Variants in CCT2 observed in about 807,000 individuals in gnomAD.
The protein encoded by CCT2 is chaperonin containing TCP1 subunit 2, also known as T-complex protein 1 subunit beta.
In CCT2, 18 loss-of-function variants were observed where a neutral mutation model predicts 61.8. The observed-to-expected ratio is 0.29, with a 90% CI of 0.20 to 0.43. The LOEUF is 0.43. Ranked by LOEUF, CCT2 falls within the 20% of genes least tolerant of loss-of-function variation. CCT2 has a pLI of 1.00. For synonymous variants in CCT2, 248 were observed against 215.9 expected (o/e 1.15, Z -1.30); for missense variants, 556 against 656.9 (o/e 0.85, Z 1.68).
intron 5 of CCT2, 50 bp downstream of exon 5, chr12:69,588,056 G>A: frequency 6.4e-7 from 1 of 1,552,794 alleles, no homozygotes; most frequent in South Asian, 1.1e-5. Context: ...TTGAGTATCA[G>A]AGGTAATCTA....
In CCT2 at chr12:69,601,426, A is replaced by G. The variant is rs1882145482; in HGVS notation, c.*101A>G. ...CTGTGGAATCTGTTTATCGGTGCCCATTATATCCTTAAGTTTGGATATTTA... is the reference window on the plus strand; with the variant it reads ...CTGTGGAATCTGTTTATCGGTGCCCGTTATATCCTTAAGTTTGGATATTTA... On this transcript the variant is annotated 3_prime_UTR_variant, in exon 16 of 16. Coordinates refer to ENST00000299300, the MANE Select transcript of CCT2 (RefSeq NM_006431.3). The G allele has an allele frequency of 1.9e-6, 3 of 1,606,074 alleles. No individual in the cohort carries two copies. Among genetic ancestry groups the G allele is most frequent in the Non-Finnish European group, 2.5e-6 (3 of 1,177,350 alleles).
chr12:69,589,821 C>T (rs1184474343), intron 7 of CCT2, 134 bp downstream of exon 7: 9 of 678,776 alleles, frequency 1.3e-5, no homozygotes, highest in South Asian at 1.1e-4. Context: ...ATATGTGCAA[C>T]CATTTTTGTC....
chr12:69,588,847 C>T (rs575857491), intron 6 of CCT2, among the ~76,000 whole-genome samples: 50 of 152,308 alleles, frequency 3.3e-4, no homozygotes, highest in African/African-American at 1.2e-3. Flanking sequence ...CAAAAAGGTC[C>T]GGGACCACTG....
chr12:69,586,248 G>A (rs485288), intron 1 of CCT2, 22 bp from the exon 2 acceptor site: 1,126,175 of 1,573,072 alleles, frequency 0.72, 406,430 homozygotes, highest in East Asian at 0.93. Context: ...TAAACGGAAT[G>A]CCTCTTGGTT....
chr12:69,595,645 C>T (rs1040515001), intron 10 of CCT2, among the ~76,000 whole-genome samples: 9 of 145,742 alleles, frequency 6.2e-5, no homozygotes, highest in East Asian at 2.0e-4. Context: ...CTGAGATTGG[C>T]GCCACTGCAC....
At position 69,592,052 on chromosome 12, in the gene CCT2, A is replaced by G. The variant is rs776179368; in HGVS notation, c.650-7A>G. On this transcript the variant is annotated splice_polypyrimidine_tract_variant and splice_region_variant and intron_variant, in intron 7 of 15. Transcript: ENST00000299300. ...TAAATATGATACTGTTCTTATATTT[A>G]TTGTAGGCTTCCTGTTGGATAAAAA... is the stretch of plus-strand genomic sequence containing the variant. 1 of 1,502,236 alleles carries G rather than the reference A, an allele frequency of 6.7e-7. No homozygotes were observed. Among genetic ancestry groups the G allele is most frequent in the Non-Finnish European group, 9.3e-7 (1 of 1,080,162 alleles). 93.1% of individuals were successfully genotyped at this position (1,502,236 alleles called of 1,614,324 possible).
At chr12:69,592,887 C>T (rs571890152) in intron 8 of CCT2, 89 bp from the exon 9 acceptor site, 110 of 1,250,118 alleles carry the variant, frequency 8.8e-5, no homozygotes, top group African/African-American at 3.2e-4. Flanking sequence ...GAGATTGCCC[C>T]ACTGCACTCC....
intron 1 of CCT2, 81 bp downstream of exon 1, chr12:69,585,605 G>C: frequency 6.5e-7 from 1 of 1,549,596 alleles, no homozygotes; most frequent in Non-Finnish European, 8.7e-7. Flanking sequence ...TGTCCTGCTA[G>C]GGTCGTAGGC....
intron 11 of CCT2, 87 bp from the exon 12 acceptor site, chr12:69,597,551 A>T: frequency 7.2e-7 from 1 of 1,379,810 alleles, no homozygotes; most frequent in Non-Finnish European, 1.0e-6. Context: ...GTCAGCTTTC[A>T]GAACCCAGTA....
In CCT2 at chr12:69,598,366, C is replaced by T. The variant is rs1882053024; in HGVS notation, c.1380C>T (p.Asp460=). ...IADNAGYDSA[D]LVAQLRAAHS... Reference sequence around the variant, plus strand: ...ACAATGCAGGCTATGACAGTGCAGACCTGGTGGCACAGCTCAGGGCTGCTC... The same window carrying T: ...ACAATGCAGGCTATGACAGTGCAGATCTGGTGGCACAGCTCAGGGCTGCTC... Residue 460 remains aspartate (D), a synonymous_variant, in exon 14 of 16, where the codon GAC becomes GAT. Coordinates refer to ENST00000299300, the MANE Select transcript of CCT2 (RefSeq NM_006431.3). 5 of 1,606,068 alleles carry T rather than the reference C, an allele frequency of 3.1e-6. No homozygotes were observed. Among genetic ancestry groups the T allele is most frequent in the East Asian group, 2.2e-5 (1 of 44,712 alleles).
At chr12:69,587,659 T>G (rs746810317) in intron 4 of CCT2, 43 bp downstream of exon 4, 3 of 1,242,222 alleles carry the variant, frequency 2.4e-6, no homozygotes, top group Non-Finnish European at 3.5e-6. Flanking sequence ...TAATACTGTT[T>G]GTTAACATTT....
intron 7 of CCT2, among the ~76,000 whole-genome samples, chr12:69,589,983 T>C (rs1160542428): frequency 6.6e-6 from 1 of 152,228 alleles, no homozygotes; most frequent in Non-Finnish European, 1.5e-5. Context: ...AATGGTACTT[T>C]TACCAGGATT....
At chr12:69,599,815 G>A (rs780738501) in intron 14 of CCT2, 48 bp from the exon 15 acceptor site, 1 of 1,486,784 alleles carries the variant, frequency 6.7e-7, no homozygotes, top group Non-Finnish European at 9.2e-7. Context: ...GAGATGTTTT[G>A]ATACTTTAGT....
Position 69,597,183 on chromosome 12 carries a change from A to G in CCT2, c.1010A>G (p.His337Arg), listed in dbSNP as rs1252856194. Residue 337 changes from histidine (H) to arginine (R), a missense_variant, in exon 11 of 16, where the codon CAC (histidine) becomes CGC (arginine). This residue lies in a region of CCT2 where 225 missense variants were observed against 249.8 expected (regional missense o/e 0.90). Coordinates refer to ENST00000299300, the MANE Select transcript of CCT2 (RefSeq NM_006431.3). ...TGGEIASTFDHPELVKLGSCK... is the reference protein window; with the variant it reads ...TGGEIASTFDRPELVKLGSCK... ...GGTGAAATTGCCTCTACCTTTGATCACCCAGAACTGGTGAAGCTTGGAAGT... is the reference window on the plus strand; with the variant it reads ...GGTGAAATTGCCTCTACCTTTGATCGCCCAGAACTGGTGAAGCTTGGAAGT... 3 of 1,613,822 alleles carry G rather than the reference A, an allele frequency of 1.9e-6. No homozygotes were observed. Among genetic ancestry groups the G allele is most frequent in the Middle Eastern group, 1.6e-4 (1 of 6,080 alleles).
At chr12:69,598,469 T>C (rs2135860110) in intron 14 of CCT2, 48 bp downstream of exon 14, 3 of 1,162,638 alleles carry the variant, frequency 2.6e-6, no homozygotes, top group Non-Finnish European at 3.7e-6. Context: ...AGTAACTCTT[T>C]TCACTAAGCT....
chr12:69,585,820 CG>C, intron 1 of CCT2: 1 of 1,343,968 alleles, frequency 7.4e-7, no homozygotes, highest in Non-Finnish European at 9.6e-7. Flanking sequence ...GTGTGGGACC[CG>C]CTCCGCCCTC....
At chr12:69,587,740 A>G (rs748553470) in intron 4 of CCT2, 124 bp downstream of exon 4, 91 of 742,168 alleles carry the variant, frequency 1.2e-4, no homozygotes, top group Non-Finnish European at 1.8e-4. Flanking sequence ...GTTGTTAATT[A>G]TCGTTGTTAA....
chr12:69,597,523 T>TTGG, intron 11 of CCT2, 115 bp from the exon 12 acceptor site: 3 of 1,169,578 alleles, frequency 2.6e-6, no homozygotes, highest in Non-Finnish European at 3.6e-6. Context: ...TTGGAGAATG[T>TTGG]ATAATACAGG....
chr12:69,596,161 A>G (rs1044799913), intron 10 of CCT2, among the ~76,000 whole-genome samples: 1 of 152,250 alleles, frequency 6.6e-6, no homozygotes, highest in African/African-American at 2.4e-5. Context: ...TGACGTCCCA[A>G]ATATCTGTTG....
Sources: gnomAD v4.1 joint callset for allele counts (sites outside exome capture counted in the v4.1 genomes callset) on GRCh38, gnomAD v4.1.1 for gene constraint, gnomAD v4.1.1 regional missense constraint, MANE v1.5 for transcripts, NCBI Gene and HGNC (gene_info 2026-07-23, HGNC 2026-07-21) for gene names.